PRDM6: variants seen among roughly 807,000 people sequenced by gnomAD.
The protein encoded by PRDM6 is putative histone-lysine N-methyltransferase PRDM6.
Under a neutral mutation model 60.8 loss-of-function variants are expected in PRDM6, and 25 were observed. The observed-to-expected ratio is 0.41, with a 90% CI of 0.30 to 0.57. The LOEUF is 0.57. PRDM6 is among the 20% of genes least tolerant of loss of function. The pLI is 0.27. For missense variants in PRDM6, 839 were observed against 821.3 expected (o/e 1.02, Z -0.26); for synonymous variants, 407 against 357.4 (o/e 1.14, Z -1.57).
At position 123,159,545 on chromosome 5, in the gene PRDM6, A is replaced by G. The variant is rs1765580980; in HGVS notation, c.1060A>G (p.Ile354Val). Residue 354 changes from isoleucine (I) to valine (V), a missense_variant, in exon 5 of 8, where the codon ATC (isoleucine) becomes GTC (valine). By Grantham distance (29) the Ile-to-Val change is conservative. This residue lies in a region of PRDM6 where 730 missense variants were observed against 648.8 expected (regional missense o/e 1.13). Coordinates refer to ENST00000407847, the MANE Select transcript of PRDM6 (RefSeq NM_001136239.4). ...TATATTCTACCGAGCCTGTATAGAT[A>G]TCCCTAGGGGCACCGAGCTTCTGGT... ...SNIFYRACIDIPRGTELLVWY... is the reference protein window; with the variant it reads ...SNIFYRACIDVPRGTELLVWY... 5 of 1,551,354 alleles carry G rather than the reference A, an allele frequency of 3.2e-6. No individual in the cohort carries two copies. In the African/African-American group the frequency reaches 6.8e-5, roughly 21 times the overall value.
intron 7 of PRDM6, among the ~76,000 whole-genome samples, chr5:123,184,825 T>C (rs1038898873): frequency 1.3e-5 from 2 of 152,230 alleles, no homozygotes; most frequent in Admixed American, 1.3e-4. Context: ...AATTGCATTC[T>C]TGTCATTCCC....
At chr5:123,089,964 C>T (rs924468165) in intron 1 of PRDM6, 36 bp from the exon 2 acceptor site, 8 of 1,465,462 alleles carry the variant, frequency 5.5e-6, no homozygotes, top group Non-Finnish European at 7.4e-6. Context: ...TTTCGCCCAG[C>T]TCACGCGCCC....
intron 6 of PRDM6, among the ~76,000 whole-genome samples, chr5:123,175,560 CT>C (rs1189030207): frequency 2.0e-5 from 3 of 152,306 alleles, no homozygotes; most frequent in Non-Finnish European, 4.4e-5. Flanking sequence ...TAGTCTTGCA[CT>C]TCTGTCACTG....
chr5:123,188,704 T>G lies in PRDM6; in HGVS notation c.*1503T>G, dbSNP rs934668894. ...CTTTGAGCTTTCCCATTGTCTTCCC[T>G]CAATAAAAATGAGACACATAACTGA... On this transcript the variant is annotated 3_prime_UTR_variant, in exon 8 of 8. Transcript: ENST00000407847. The G allele has an allele frequency of 6.6e-6, 1 of 152,178 alleles. No individual in the cohort carries two copies. The highest frequency in any genetic ancestry group is 1.5e-5 in the Non-Finnish European group (1 of 68,030). The allele number at this position is 152,178 out of a possible 1,614,324, so 9.4% of individuals were successfully genotyped here.
At chr5:123,144,560 G>A (rs933125370) in intron 3 of PRDM6, among the ~76,000 whole-genome samples, 1 of 152,024 alleles carries the variant, frequency 6.6e-6, no homozygotes, top group African/African-American at 2.4e-5. Context: ...GAAGACTAGG[G>A]ATGGTAGCAG....
At position 123,191,037 on chromosome 5, in the gene PRDM6, G is replaced by T. The variant is rs766945736; in HGVS notation, c.*3836G>T. ...TCTTTGCTTAACTCACTGGGCTATT[G>T]GTTGTTAGCAGCAGTATCAAGAGAC... On this transcript the variant is annotated 3_prime_UTR_variant, in exon 8 of 8. Transcript: ENST00000407847. 6.6e-6 allele frequency: 1 copy of T among 152,152 alleles called. No individual in the cohort carries two copies. The highest frequency in any genetic ancestry group is 2.4e-5 in the African/African-American group (1 of 41,434). 9.4% of individuals were successfully genotyped at this position (152,152 alleles called of 1,614,324 possible). A position where few individuals can be genotyped will look rare whatever the true frequency, so the allele number is the denominator to read the frequency against.
intron 2 of PRDM6, 24 bp downstream of exon 2, chr5:123,090,630 T>G (rs1561793107): frequency 3.7e-6 from 5 of 1,358,920 alleles, no homozygotes; most frequent in South Asian, 1.3e-5. Context: ...GCCCGCGCGC[T>G]CTCTCCCGGG....
In PRDM6 at chr5:123,099,009, G is replaced by A. The variant is rs973598438; in HGVS notation, c.593-645G>A. ...TTGGGAGGCAGTCGAGGAAGCCTCC[G>A]AGTCTCTGGGTCGAAGGAAGTGCGA... is the stretch of plus-strand genomic sequence containing the variant. On this transcript the variant is annotated intron_variant, in intron 2 of 7. Coordinates refer to ENST00000407847, the MANE Select transcript of PRDM6 (RefSeq NM_001136239.4). This position sits in a 1 kb window ranked among gnomAD's most constrained non-coding sequence, Gnocchi z 4.0. Among the ~76,000 whole-genome samples the A allele has an allele frequency of 1.3e-5, 2 of 151,164 alleles. No individual in the cohort carries two copies. Among genetic ancestry groups the A allele is most frequent in the East Asian group, 3.9e-4 (2 of 5,102 alleles).
Position 123,191,098 on chromosome 5 carries a change from C to T in PRDM6, c.*3897C>T, listed in dbSNP as rs1247959879. On this transcript the variant is annotated 3_prime_UTR_variant, in exon 8 of 8. Coordinates refer to ENST00000407847, the MANE Select transcript of PRDM6 (RefSeq NM_001136239.4). ...GCCTGGGTCTTGGGTTTTTATGACC[C>T]CCCCTTTCAATGATAAGGCAACAAG... is the stretch of plus-strand genomic sequence containing the variant. The T allele has an allele frequency of 2.0e-5, 3 of 152,080 alleles. No homozygotes were observed. Among genetic ancestry groups the T allele is most frequent in the Non-Finnish European group, 2.9e-5 (2 of 68,034 alleles). 9.4% of individuals were successfully genotyped at this position (152,080 alleles called of 1,614,324 possible). A position where few individuals can be genotyped will look rare whatever the true frequency, so the allele number is the denominator to read the frequency against.
Position 123,148,914 on chromosome 5 carries a change from A to AT in PRDM6, c.901-6969dup, listed in dbSNP as rs199854271. ...CCTATGATTCACATTTCCCAACCAT[A>AT]TAACTGAGAGCAAATCATTTCATCT... On this transcript the variant is annotated intron_variant, in intron 3 of 7. Coordinates refer to ENST00000407847, the MANE Select transcript of PRDM6 (RefSeq NM_001136239.4). Among the ~76,000 whole-genome samples, 962 of 152,360 alleles carry AT rather than the reference A, an allele frequency of 6.3e-3. 12 individuals are homozygous for AT. Among genetic ancestry groups the AT allele is most frequent in the African/African-American group, 0.022 (920 of 41,588 alleles).
Position 123,090,377 on chromosome 5 carries a change from T to C in PRDM6, c.363T>C (p.Pro121=). 1 of 1,467,652 alleles carries C rather than the reference T, an allele frequency of 6.8e-7. No homozygotes were observed. The highest frequency in any genetic ancestry group is 3.0e-5 in the East Asian group (1 of 33,208). The allele number at this position is 1,467,652 out of a possible 1,614,324, so 90.9% of individuals were successfully genotyped here. A position where few individuals can be genotyped will look rare whatever the true frequency, so the allele number is the denominator to read the frequency against. The change falls in exon 2 of 8, where the codon CCT becomes CCC. Residue 121 remains proline, a synonymous_variant. Transcript: ENST00000407847. ...LPVSQLPVFA[P]LAAAAVAAEP... ...TGTCGCAGCTGCCGGTGTTCGCGCC[T>C]CTAGCCGCCGCTGCCGTCGCCGCCG...
intron 3 of PRDM6, among the ~76,000 whole-genome samples, chr5:123,144,541 A>G (rs1471122734): frequency 6.6e-6 from 1 of 152,056 alleles, no homozygotes; most frequent in East Asian, 1.9e-4. Context: ...TTGAGGAGTC[A>G]GTGAAAGGGA....
chr5:123,181,824 C>CA (rs908260138), intron 7 of PRDM6, among the ~76,000 whole-genome samples: 39 of 152,242 alleles, frequency 2.6e-4, no homozygotes, highest in African/African-American at 9.4e-4. Flanking sequence ...GCTTGGGAAA[C>CA]AGAGTTCTCT....
rs1172000749 is a variant in PRDM6, at chr5:123,180,051, A to C, written c.1497-96A>C. 7 of 1,198,152 alleles carry C rather than the reference A, an allele frequency of 5.8e-6. No homozygotes were observed. In the East Asian group the frequency reaches 1.8e-4, roughly 31 times the overall value. The allele number at this position is 1,198,152 out of a possible 1,614,324, so 74.2% of individuals were successfully genotyped here. ...ATGCCCTGTCTTAGAAACTGAGAAA[A>C]TGTCACCAATAAGTTTTGGCCCCTT... On this transcript the variant is annotated intron_variant, in intron 6 of 7. Transcript: ENST00000407847.
intron 3 of PRDM6, among the ~76,000 whole-genome samples, chr5:123,101,078 T>G (rs997285283): frequency 1.3e-5 from 2 of 152,242 alleles, no homozygotes; most frequent in Non-Finnish European, 2.9e-5. Context: ...CTTGGCTTGC[T>G]GGCCTGTCAA....
chr5:123,155,806 T>C (rs1032319767), intron 3 of PRDM6, 78 bp from the exon 4 acceptor site: 15 of 1,491,704 alleles, frequency 1.0e-5, no homozygotes, highest in Non-Finnish European at 1.3e-5. Context: ...AGCTGACACA[T>C]AAAGACACCA....
intron 3 of PRDM6, among the ~76,000 whole-genome samples, chr5:123,121,830 CAGTTT>C (rs1764586829): frequency 6.6e-6 from 1 of 150,600 alleles, no homozygotes; most frequent in African/African-American, 2.4e-5. Context: ...TAATATGTAA[CAGTTT>C]AGTTGGGGAG....
At chr5:123,173,244 T>C (rs1205224367) in intron 6 of PRDM6, among the ~76,000 whole-genome samples, 1 of 151,738 alleles carries the variant, frequency 6.6e-6, no homozygotes, top group Non-Finnish European at 1.5e-5. Context: ...TGTAAAATAA[T>C]AATGTCATAA....
chr5:123,172,958 G>C (rs560676144), intron 6 of PRDM6, among the ~76,000 whole-genome samples: 1 of 152,144 alleles, frequency 6.6e-6, no homozygotes. Context: ...TTGGGAGGCC[G>C]AGGCAGGCGG....
Sources: gnomAD v4.1 joint callset for allele counts (sites outside exome capture counted in the v4.1 genomes callset) on GRCh38, gnomAD v4.1.1 for gene constraint, gnomAD v4.1.1 regional missense constraint, Gnocchi (gnomAD v3.1) non-coding constraint, MANE v1.5 for transcripts, NCBI Gene and HGNC (gene_info 2026-07-23, HGNC 2026-07-21) for gene names.